The following ATP2B4 variants were observed in gnomAD, a reference collection of about 807,000 sequenced individuals.
ATP2B4 encodes plasma membrane calcium-transporting ATPase 4.
In ATP2B4, 39 loss-of-function variants were observed where a neutral mutation model predicts 110.3. The ratio of observed to expected loss-of-function variants is 0.35; its 90% CI spans 0.27 to 0.46. The LOEUF is 0.46. ATP2B4 is among the 20% of genes least tolerant of loss of function. The pLI, the probability that ATP2B4 is intolerant of heterozygous loss-of-function variation, is 1.00. For synonymous variants in ATP2B4, 538 were observed against 571.7 expected, an observed-to-expected ratio of 0.94 and a Z score of 0.84; for missense variants, 1,135 against 1,530.9, an observed-to-expected ratio of 0.74 and a Z score of 4.32.
chr1:203,657,313 CCTT>C (rs2102326803), intron 1 of ATP2B4: 1 of 740,658 alleles, frequency 1.4e-6, no homozygotes, highest in South Asian at 1.5e-5. Flanking sequence ...CTCTTCCATG[CCTT>C]CTTCTTTCTC....
chr1:203,701,962 G>C, intron 6 of ATP2B4, 82 bp from the exon 7 acceptor site: 2 of 1,475,732 alleles, frequency 1.4e-6, no homozygotes, highest in Non-Finnish European at 1.9e-6. Context: ...GTCCTTCTGG[G>C]CTCTGAGCAG....
At chr1:203,683,607 A>G (rs1327500217) in intron 2 of ATP2B4, among the ~76,000 whole-genome samples, 1 of 147,910 alleles carries the variant, frequency 6.8e-6, no homozygotes, top group East Asian at 2.0e-4. Context: ...AAAGTGTGCT[A>G]TTCTCTAAAG....
chr1:203,637,347 C>T (rs577438705), intron 1 of ATP2B4, among the ~76,000 whole-genome samples: 2 of 147,580 alleles, frequency 1.4e-5, no homozygotes, highest in African/African-American at 2.5e-5. Flanking sequence ...AGGAGAATGG[C>T]GTGAACCCCC....
intron 1 of ATP2B4, among the ~76,000 whole-genome samples, chr1:203,651,581 A>G (rs1223097312): frequency 1.3e-5 from 2 of 152,170 alleles, no homozygotes; most frequent in African/African-American, 4.8e-5. Flanking sequence ...TATTATTTGT[A>G]CTTGCTTTAT....
At chr1:203,658,711 A>G (rs541306258) in intron 1 of ATP2B4, among the ~76,000 whole-genome samples, 3 of 152,166 alleles carry the variant, frequency 2.0e-5, no homozygotes, top group Non-Finnish European at 4.4e-5. Flanking sequence ...ATAGTATATA[A>G]ATTGGAAGGT....
chr1:203,639,136 T>C (rs1663551651), intron 1 of ATP2B4, among the ~76,000 whole-genome samples: 1 of 152,132 alleles, frequency 6.6e-6, no homozygotes, highest in Non-Finnish European at 1.5e-5. Flanking sequence ...GGGGAAGCAC[T>C]ATTAACTCCA....
rs772895722 is a variant in ATP2B4, at chr1:203,703,671, G to A, written c.957G>A (p.Val319=). 3.1e-6 allele frequency: 5 copies of A among 1,614,030 alleles called. No individual in the cohort carries two copies. The highest frequency in any genetic ancestry group is 4.2e-6 in the Non-Finnish European group (5 of 1,179,974). Residue 319 remains valine, a synonymous_variant, in exon 8 of 21, where the codon GTG becomes GTA. Transcript: ENST00000357681. The part of the protein sequence containing the change: ...NRNKAKTQDG[V]ALEIQPLNSQ... ...CTCCAGCAAAGACCCAAGACGGAGT[G>A]GCCCTGGAAATCCAGCCACTCAACA... is the stretch of plus-strand genomic sequence containing the variant.
intron 1 of ATP2B4, among the ~76,000 whole-genome samples, chr1:203,662,766 T>G (rs1270887710): frequency 6.6e-6 from 1 of 152,178 alleles, no homozygotes; most frequent in Admixed American, 6.5e-5. Flanking sequence ...TTTGCAGTAA[T>G]ATGAAGAGAA....
At chr1:203,658,255 G>C (rs1664225589) in intron 1 of ATP2B4, among the ~76,000 whole-genome samples, 1 of 152,006 alleles carries the variant, frequency 6.6e-6, no homozygotes, top group South Asian at 2.1e-4. Flanking sequence ...GAGCACTGTG[G>C]CTCATGCCTT....
chr1:203,739,213 G>T (rs1666944005), intron 20 of ATP2B4, among the ~76,000 whole-genome samples: 1 of 152,110 alleles, frequency 6.6e-6, no homozygotes, highest in African/African-American at 2.4e-5. Flanking sequence ...CCATCTAAAA[G>T]AACTAATGAA....
chr1:203,669,573 A>AT, intron 1 of ATP2B4, among the ~76,000 whole-genome samples: 1 of 152,048 alleles, frequency 6.6e-6, no homozygotes, highest in Non-Finnish European at 1.5e-5. Flanking sequence ...TGTACCTGGG[A>AT]TTACAGGCAC....
At chr1:203,719,011 A>G (rs1026520413) in intron 15 of ATP2B4, among the ~76,000 whole-genome samples, 3 of 151,762 alleles carry the variant, frequency 2.0e-5, no homozygotes, top group African/African-American at 7.3e-5. Context: ...GAGCACTAGA[A>G]GCCAGGATTT....
intron 20 of ATP2B4, among the ~76,000 whole-genome samples, chr1:203,731,961 G>A (rs868279079): frequency 6.6e-5 from 10 of 151,030 alleles, no homozygotes; most frequent in Admixed American, 1.3e-4. Flanking sequence ...GGCGGATCAC[G>A]AGGTCAGGAG....
In ATP2B4 at chr1:203,707,915, G is replaced by A; in HGVS notation, c.1368G>A (p.Met456Ile). Reference protein sequence around the residue: ...LVRHLDACETMGNATAICSDK... With the variant: ...LVRHLDACETIGNATAICSDK... The stretch of plus-strand genomic sequence containing the variant: ...GGCACTTGGATGCTTGTGAGACCAT[G>A]GGCAACGCCACCGCCATCTGCTCTG... The change falls in exon 10 of 21, where the codon ATG becomes ATA. Residue 456 changes from methionine (M) to isoleucine (I), a missense_variant. Met to Ile is a conservative substitution (Grantham distance 10). This residue lies in a region of ATP2B4 where 368 missense variants were observed against 455.9 expected (regional missense o/e 0.81). Coordinates refer to ENST00000357681, the MANE Select transcript of ATP2B4 (RefSeq NM_001684.5). 6.2e-7 allele frequency: 1 copy of A among 1,614,122 alleles called. No homozygotes were observed. Among genetic ancestry groups the A allele is most frequent in the Non-Finnish European group, 8.5e-7 (1 of 1,180,020 alleles).
At chr1:203,670,575 G>A (rs1486834636) in intron 1 of ATP2B4, among the ~76,000 whole-genome samples, 1 of 152,178 alleles carries the variant, frequency 6.6e-6, no homozygotes, top group Admixed American at 6.5e-5. Flanking sequence ...AACAGTCCAG[G>A]ACTATACCTT....
Position 203,728,684 on chromosome 1 carries a change from C to T in ATP2B4, c.3309+1113C>T, listed in dbSNP as rs569344641. Among the ~76,000 whole-genome samples, 33 of 151,986 alleles carry T rather than the reference C, an allele frequency of 2.2e-4. No individual in the cohort carries two copies. In the East Asian group the frequency reaches 5.0e-3, roughly 23 times the overall value. On this transcript the variant is annotated intron_variant, in intron 20 of 20. Coordinates refer to ENST00000357681, the MANE Select transcript of ATP2B4 (RefSeq NM_001684.5). ...ACCAGCCTGACCAACATGGAGAAAC[C>T]GCGTCTCTACTAAAAATCCAAAATT...
At chr1:203,709,655 A>G (rs1323714024) in intron 11 of ATP2B4, 113 bp downstream of exon 11, 1 of 1,507,214 alleles carries the variant, frequency 6.6e-7, no homozygotes, top group African/African-American at 1.4e-5. Flanking sequence ...CCAGGTGGTG[A>G]CATAATAACT....
chr1:203,705,851 T>A lies in ATP2B4; in HGVS notation c.1100-1158T>A, dbSNP rs532635409. ...CAGATGCTTTCCACCACCTGGAGAG[T>A]GAGTTCCTTAAATTTTGCACTCTCA... On this transcript the variant is annotated intron_variant, in intron 8 of 20. Coordinates refer to ENST00000357681, the MANE Select transcript of ATP2B4 (RefSeq NM_001684.5). 2.0e-5 allele frequency among the ~76,000 whole-genome samples: 3 copies of A among 152,214 alleles called. No individual in the cohort carries two copies. In the East Asian group the frequency reaches 5.8e-4, roughly 29 times the overall value.
intron 20 of ATP2B4, chr1:203,733,756 C>CGAG: frequency 4.8e-6 from 1 of 207,724 alleles, no homozygotes; most frequent in Non-Finnish European, 9.6e-6. Context: ...TTGTTCCTCT[C>CGAG]TTCTCCTCCT....
Sources: gnomAD v4.1 joint callset for allele counts (sites outside exome capture counted in the v4.1 genomes callset) on GRCh38, gnomAD v4.1.1 for gene constraint, gnomAD v4.1.1 regional missense constraint, MANE v1.5 for transcripts, NCBI Gene and HGNC (gene_info 2026-07-23, HGNC 2026-07-21) for gene names.